ANKRD17: variants seen among roughly 807,000 people sequenced by gnomAD.
The protein encoded by ANKRD17 is ankyrin repeat domain 17.
In ANKRD17, 19 loss-of-function variants were observed where a neutral mutation model predicts 229.7. That is an observed-to-expected ratio of 0.08 (90% CI 0.06 to 0.12). ANKRD17 has a LOEUF of 0.12. Among genes scored for constraint, ANKRD17 ranks in the 10% least tolerant of loss-of-function variants. The pLI, the probability that ANKRD17 is intolerant of heterozygous loss-of-function variation, is 1.00. For missense variants in ANKRD17, 2,176 were observed against 3,176.8 expected (o/e 0.68, Z 7.57); for synonymous variants, 1,112 against 1,146.1 (o/e 0.97, Z 0.60).
chr4:73,134,840 C>A (rs563572170), intron 16 of ANKRD17, among the ~76,000 whole-genome samples: 1 of 151,918 alleles, frequency 6.6e-6, no homozygotes, highest in Non-Finnish European at 1.5e-5. Flanking sequence ...ATGCACTAAT[C>A]TTAAATAAAT....
At position 73,244,242 on chromosome 4, in the gene ANKRD17, G is replaced by C. The variant is rs1744289504; in HGVS notation, c.393+14034C>G. Reference sequence around the variant, plus strand: ...ACAATCACATTCTGAAATACTTGGGGTTAGGGCTTCAAAATATTAATATTA... The same window carrying C: ...ACAATCACATTCTGAAATACTTGGGCTTAGGGCTTCAAAATATTAATATTA... On this transcript the variant is annotated intron_variant, in intron 1 of 33. Transcript: ENST00000358602. Among the ~76,000 whole-genome samples the C allele has an allele frequency of 2.6e-5, 4 of 152,206 alleles. 1 individual carries two copies. The South Asian group carries it at 8.3e-4, about 32-fold the overall frequency.
chr4:73,188,147 C>A (rs1578324659), intron 1 of ANKRD17, among the ~76,000 whole-genome samples: 1 of 151,754 alleles, frequency 6.6e-6, no homozygotes, highest in African/African-American at 2.4e-5. Context: ...GAAACTAAAA[C>A]TTAGCTATAA....
Position 73,193,910 on chromosome 4 carries a change from TGACAGA to T in ANKRD17, c.394-16383_394-16378del, listed in dbSNP as rs1737482313. 7.2e-5 allele frequency among the ~76,000 whole-genome samples: 11 copies of T among 152,286 alleles called. No individual in the cohort carries two copies. The South Asian group carries it at 2.3e-3, about 32-fold the overall frequency. On this transcript the variant is annotated intron_variant, in intron 1 of 33. Coordinates refer to ENST00000358602, the MANE Select transcript of ANKRD17 (RefSeq NM_032217.5). ...TTGCGACACTGCACTCTAGCCTGGG[TGACAGA>T]GTGAAACCTTGTCTCAAAAACAACA...
chr4:73,144,729 T>C lies in ANKRD17; in HGVS notation c.1957+16A>G. On this transcript the variant is annotated intron_variant, in intron 11 of 33. Transcript: ENST00000358602. ...GATACCTTTCAAAAAAAGACAACTG[T>C]TTTATACAAACCTACCTTTACTAAT... 14 of 1,522,936 alleles carry C rather than the reference T, an allele frequency of 9.2e-6. No individual in the cohort carries two copies. Among genetic ancestry groups the C allele is most frequent in the Non-Finnish European group, 1.2e-5 (14 of 1,138,194 alleles). The allele number at this position is 1,522,936 out of a possible 1,614,324, so 94.3% of individuals were successfully genotyped here.
intron 10 of ANKRD17, among the ~76,000 whole-genome samples, chr4:73,145,997 T>A (rs892317789): frequency 2.0e-5 from 3 of 152,122 alleles, no homozygotes; most frequent in Non-Finnish European, 4.4e-5. Flanking sequence ...CATAAATATA[T>A]GGGTGCTTAC....
At position 73,155,784 on chromosome 4, in the gene ANKRD17, G is replaced by A. The variant is rs751713903; in HGVS notation, c.853-6C>T. 1.9e-6 allele frequency: 3 copies of A among 1,612,016 alleles called. No homozygotes were observed. Among genetic ancestry groups the A allele is most frequent in the African/African-American group, 1.3e-5 (1 of 74,914 alleles). ...GCATGCATTGCCAACAAAACCTTATGAGAGAAAAATAGTTTAAAAAGATAT... is the reference window on the plus strand; with the variant it reads ...GCATGCATTGCCAACAAAACCTTATAAGAGAAAAATAGTTTAAAAAGATAT... On this transcript the variant is annotated splice_polypyrimidine_tract_variant and splice_region_variant and intron_variant, in intron 4 of 33. Coordinates refer to ENST00000358602, the MANE Select transcript of ANKRD17 (RefSeq NM_032217.5).
At chr4:73,199,399 A>G (rs1330314324) in intron 1 of ANKRD17, among the ~76,000 whole-genome samples, 1 of 152,162 alleles carries the variant, frequency 6.6e-6, no homozygotes, top group Non-Finnish European at 1.5e-5. Context: ...AGCTGAGAAA[A>G]ACATTGTCTC....
chr4:73,114,024 GA>G, intron 23 of ANKRD17, 116 bp from the exon 24 acceptor site: 1 of 643,010 alleles, frequency 1.6e-6, no homozygotes, highest in Non-Finnish European at 2.7e-6. Flanking sequence ...AAAGATCCAT[GA>G]AAGGGGGAAA....
intron 2 of ANKRD17, among the ~76,000 whole-genome samples, chr4:73,167,744 G>C (rs760218160): frequency 5.3e-5 from 8 of 152,114 alleles, no homozygotes; most frequent in Non-Finnish European, 8.8e-5. Flanking sequence ...TCCAAGACAG[G>C]ACCGTGCACA....
intron 13 of ANKRD17, among the ~76,000 whole-genome samples, 177 bp from the exon 14 acceptor site, chr4:73,142,020 T>A (rs547837513): frequency 5.9e-5 from 9 of 152,338 alleles, no homozygotes; most frequent in African/African-American, 2.2e-4. Context: ...CATTTTTTAG[T>A]AGGCTTTGAA....
At chr4:73,200,176 G>A (rs1261880531) in intron 1 of ANKRD17, among the ~76,000 whole-genome samples, 1 of 152,148 alleles carries the variant, frequency 6.6e-6, no homozygotes, top group Non-Finnish European at 1.5e-5. Context: ...CAATTCAAAT[G>A]TCTGCTTCCA....
chr4:73,099,060 G>A (rs1421171587), intron 25 of ANKRD17: 2 of 950,264 alleles, frequency 2.1e-6, no homozygotes, highest in African/African-American at 3.2e-5. Flanking sequence ...ACAACTCCAG[G>A]AAGGAAACCA....
intron 2 of ANKRD17, 33 bp from the exon 3 acceptor site, chr4:73,161,381 A>G: frequency 6.2e-7 from 1 of 1,604,598 alleles, no homozygotes; most frequent in Non-Finnish European, 8.5e-7. Context: ...ATATGGACAC[A>G]CCCAAAAGGA....
In ANKRD17 at chr4:73,142,356, T is replaced by C; in HGVS notation, c.2115A>G (p.Ala705=). The C allele has an allele frequency of 1.9e-6, 3 of 1,587,774 alleles. No individual in the cohort carries two copies. The highest frequency in any genetic ancestry group is 2.2e-5 in the East Asian group (1 of 44,686). ...KDGSTMLIEA[A]KGGHTSVVCY... ...AAACAACACTTGTATGGCCACCTTT[T>C]GCTGCTTCTATCAACATAGTTGAGC... Residue 705 remains alanine, a synonymous_variant, in exon 13 of 34, where the codon GCA becomes GCG. Transcript: ENST00000358602.
At position 73,177,514 on chromosome 4, in the gene ANKRD17, T is replaced by A; in HGVS notation, c.413A>T (p.Asp138Val). 1 of 1,611,308 alleles carries A rather than the reference T, an allele frequency of 6.2e-7. No homozygotes were observed. Among genetic ancestry groups the A allele is most frequent in the Non-Finnish European group, 8.5e-7 (1 of 1,178,814 alleles). Residue 138 changes from aspartate to valine, a missense_variant, in exon 2 of 34, where the codon GAT becomes GTT. Physicochemically the swap from Asp to Val is radical, Grantham distance 152. Around this residue, in one of 18 missense-constraint regions of ANKRD17, gnomAD observed 184 missense variants for 357.8 expected, o/e 0.51. Coordinates refer to ENST00000358602, the MANE Select transcript of ANKRD17 (RefSeq NM_032217.5). ...CATTGGATTTTCCAAATCATCCTGATCCAAAATGAAAGACTCCACCTATAA... is the reference window on the plus strand; with the variant it reads ...CATTGGATTTTCCAAATCATCCTGAACCAAAATGAAAGACTCCACCTATAA... ...EVSEVESFIL[D>V]QDDLENPMLE...
intron 6 of ANKRD17, 106 bp from the exon 7 acceptor site, chr4:73,151,630 T>C (rs578174742): frequency 1.2e-6 from 1 of 847,806 alleles, no homozygotes; most frequent in South Asian, 2.5e-5. Flanking sequence ...AGCATTAAAT[T>C]TATAAGCATA....
At chr4:73,253,470 A>G (rs994340759) in intron 1 of ANKRD17, among the ~76,000 whole-genome samples, 2 of 152,250 alleles carry the variant, frequency 1.3e-5, no homozygotes, top group Non-Finnish European at 2.9e-5. Flanking sequence ...AAATTGTATT[A>G]ACTCATTTAA....
At chr4:73,200,602 G>T (rs1199854337) in intron 1 of ANKRD17, among the ~76,000 whole-genome samples, 1 of 152,048 alleles carries the variant, frequency 6.6e-6, no homozygotes, top group Non-Finnish European at 1.5e-5. Flanking sequence ...ACTCCATTAT[G>T]AAAGTAGTTT....
intron 33 of ANKRD17, 82 bp downstream of exon 33, chr4:73,076,858 A>G (rs1721052016): frequency 9.5e-6 from 14 of 1,470,016 alleles, no homozygotes; most frequent in African/African-American, 1.4e-5. Context: ...CTCTCTTGCT[A>G]TCATGAGTTA....
Sources: allele counts gnomAD v4.1 joint callset (sites outside exome capture counted in the v4.1 genomes callset), GRCh38; gene constraint gnomAD v4.1.1; regional missense constraint gnomAD v4.1.1; transcripts MANE v1.5; gene names NCBI Gene and HGNC (gene_info 2026-07-23, HGNC 2026-07-21).